PYHIN1: variants seen among roughly 807,000 people sequenced by gnomAD.
PYHIN1 encodes the protein pyrin and HIN domain-containing protein 1.
PYHIN1 carries 32 observed loss-of-function variants against 43.7 expected under a neutral mutation model. The ratio of observed to expected loss-of-function variants is 0.73; its 90% CI spans 0.55 to 0.98. The LOEUF (loss-of-function observed/expected upper bound fraction) is 0.98, where lower values mean the gene tolerates loss of function less well. Ranked by LOEUF, PYHIN1 falls within the 50% of genes least tolerant of loss-of-function variation. PYHIN1 has a pLI of 0.00. For missense variants in PYHIN1, 588 were observed against 589.5 expected (o/e 1.00, Z 0.03); for synonymous variants, 205 against 203.1 (o/e 1.01, Z -0.08).
chr1:158,984,487 T>G, the PYHIN1 span, among the ~76,000 whole-genome samples: 1 of 152,200 alleles, frequency 6.6e-6, no homozygotes, highest in African/African-American at 2.4e-5. Context: ...ATTTGTATTT[T>G]TGTTGCACTG....
the PYHIN1 span, among the ~76,000 whole-genome samples, chr1:158,986,897 T>C: frequency 3.3e-5 from 5 of 152,302 alleles, no homozygotes; most frequent in Admixed American, 2.6e-4. Context: ...ACAGCTAGGA[T>C]TCTGGAAGTC....
At chr1:158,944,721 G>A (rs530517733) in intron 6 of PYHIN1, among the ~76,000 whole-genome samples, 154 bp from the exon 7 acceptor site, 2 of 152,164 alleles carry the variant, frequency 1.3e-5, no homozygotes, top group South Asian at 4.1e-4. Flanking sequence ...AAAATATATT[G>A]GCAGTTGCCT....
At chr1:158,940,300 G>T (rs189872131) in intron 4 of PYHIN1, 1 of 149,088 alleles carries the variant, frequency 6.7e-6, no homozygotes, top group Non-Finnish European at 1.5e-5. Flanking sequence ...CTAAGCAAAT[G>T]ACAAATAAAG....
At chr1:158,936,369 C>T (rs1048160391) in intron 1 of PYHIN1, among the ~76,000 whole-genome samples, 21 of 151,498 alleles carry the variant, frequency 1.4e-4, no homozygotes, top group African/African-American at 2.2e-4. Context: ...CTTCATCATC[C>T]TGATACCAAA....
chr1:158,939,537 T>G, intron 4 of PYHIN1: 1 of 1,548,082 alleles, frequency 6.5e-7, no homozygotes, highest in Non-Finnish European at 8.7e-7. Context: ...CCATCTATTA[T>G]ACACCCATTC....
intron 7 of PYHIN1, among the ~76,000 whole-genome samples, chr1:158,964,240 G>C (rs1335535550): frequency 3.9e-5 from 6 of 152,202 alleles, no homozygotes; most frequent in Admixed American, 1.3e-4. Context: ...AAGAGACAAA[G>C]TCTAGAACTC....
chr1:158,969,037 C>G (rs1650795376), intron 7 of PYHIN1, among the ~76,000 whole-genome samples: 2 of 152,102 alleles, frequency 1.3e-5, no homozygotes, highest in African/African-American at 4.8e-5. Flanking sequence ...ACATGTACCT[C>G]TGAACCTAAA....
At chr1:158,951,019 CA>C (rs1649502945) in intron 7 of PYHIN1, among the ~76,000 whole-genome samples, 2 of 152,078 alleles carry the variant, frequency 1.3e-5, no homozygotes, top group African/African-American at 4.8e-5. Context: ...CTTAGTTTTC[CA>C]AATTCAGGGA....
Position 158,973,676 on chromosome 1 carries a change from A to G in PYHIN1, c.1389A>G (p.Ser463=), listed in dbSNP as rs746625691. ...KKDETHPGAQ[S]SPANFRITSP... is the part of the protein sequence containing the mutation. Reference sequence around the variant, plus strand: ...ATGAAACCCACCCAGGAGCACAGTCATCGCCTGCAAACTTTAGAATCACCT... The same window carrying G: ...ATGAAACCCACCCAGGAGCACAGTCGTCGCCTGCAAACTTTAGAATCACCT... The change falls in exon 8 of 9, where the codon TCA becomes TCG. Residue 463 remains serine, a synonymous_variant. Transcript: ENST00000368140. 1.9e-6 allele frequency: 3 copies of G among 1,613,236 alleles called. No individual in the cohort carries two copies. In the South Asian group the frequency reaches 3.3e-5, roughly 18 times the overall value.
chr1:158,943,812 C>A lies in PYHIN1; in HGVS notation c.1025C>A (p.Thr342Lys), dbSNP rs779042807. ...CAGAAAATTGTAAATAGGAAGACGA[C>A]AATCTATGAAATTCAGGATAAAACA... is the stretch of plus-strand genomic sequence containing the variant. Reference protein sequence around the residue: ...LHTKIVNRKTTIYEIQDKTGS... With the variant: ...LHTKIVNRKTKIYEIQDKTGS... The change falls in exon 6 of 9, where the codon ACA becomes AAA. Residue 342 changes from threonine (T) to lysine (K), a missense_variant. Thr to Lys is a moderately conservative substitution (Grantham distance 78, BLOSUM62 -1). Transcript: ENST00000368140. 6.2e-7 allele frequency: 1 copy of A among 1,600,196 alleles called. No individual in the cohort carries two copies. Among genetic ancestry groups the A allele is most frequent in the Non-Finnish European group, 8.5e-7 (1 of 1,172,236 alleles).
rs992883779 is a variant in PYHIN1, at chr1:158,933,022, T to C, written c.-21+1246T>C. Among the ~76,000 whole-genome samples, 10 of 151,996 alleles carry C rather than the reference T, an allele frequency of 6.6e-5. No homozygotes were observed. Among genetic ancestry groups the C allele is most frequent in the African/African-American group, 2.4e-4 (10 of 41,374 alleles). ...TAGATAAATATTGCTATCAATTATG[T>C]TGCTCAAATTTGTAAAAATGTTTTT... is the stretch of plus-strand genomic sequence containing the variant. On this transcript the variant is annotated intron_variant, in intron 1 of 8. Coordinates refer to ENST00000368140, the MANE Select transcript of PYHIN1 (RefSeq NM_152501.5). The surrounding 1 kb of genome is among the most constrained non-coding windows in gnomAD (Gnocchi z 6.3).
At chr1:158,945,415 T>C (rs528211968) in intron 7 of PYHIN1, 2 of 160,466 alleles carry the variant, frequency 1.2e-5, no homozygotes, top group African/African-American at 2.4e-5. Flanking sequence ...ATTTTCAGCA[T>C]TCCAAGTTGA....
At chr1:158,948,844 T>C (rs544601200) in intron 7 of PYHIN1, among the ~76,000 whole-genome samples, 8 of 152,266 alleles carry the variant, frequency 5.3e-5, no homozygotes, top group Admixed American at 1.3e-4. Context: ...CTCCTTAATA[T>C]CATAACACTA....
downstream of PYHIN1, among the ~76,000 whole-genome samples, chr1:158,978,753 A>G (rs535008001): frequency 6.6e-6 from 1 of 152,264 alleles, no homozygotes; most frequent in South Asian, 2.1e-4. Context: ...GAAAGAAATT[A>G]TCTTCCACCC....
chr1:158,933,577 A>G lies in PYHIN1; in HGVS notation c.-21+1801A>G, dbSNP rs528759929. ...ATATAGAAATTTTAAATCAAATTTG[A>G]TAAAAGTTGTCATTTAACTAGTTAA... On this transcript the variant is annotated intron_variant, in intron 1 of 8. Transcript: ENST00000368140. This position sits in a 1 kb window ranked among gnomAD's most constrained non-coding sequence, Gnocchi z 6.3. Among the ~76,000 whole-genome samples, 11 of 152,172 alleles carry G rather than the reference A, an allele frequency of 7.2e-5. No homozygotes were observed. The highest frequency in any genetic ancestry group is 2.6e-4 in the African/African-American group (11 of 41,560).
chr1:158,942,376 T>C lies in PYHIN1; in HGVS notation c.979T>C (p.Tyr327His). ...CAAACAAACTTCAGGATATATTGTA[T>C]ATGGATTATTTATGCTACATACGGT... ...LHKQTSGYIV[Y>H]GLFMLHTKIV... Residue 327 changes from tyrosine (Y) to histidine (H), a missense_variant, in exon 5 of 9, where the codon TAT (tyrosine) becomes CAT (histidine). Tyr to His is a moderately conservative substitution (Grantham distance 83). Transcript: ENST00000368140. 1 of 1,603,238 alleles carries C rather than the reference T, an allele frequency of 6.2e-7. No homozygotes were observed. The highest frequency in any genetic ancestry group is 8.5e-7 in the Non-Finnish European group (1 of 1,176,310).
chr1:158,984,028 G>GTTTTTTTTTT, the PYHIN1 span, among the ~76,000 whole-genome samples: 2 of 111,208 alleles, frequency 1.8e-5, no homozygotes, highest in African/African-American at 7.1e-5. Flanking sequence ...ATCTTCTCCT[G>GTTTTTTTTTT]TTTTTTTTTT....
At chr1:158,950,912 A>G (rs1419821882) in intron 7 of PYHIN1, among the ~76,000 whole-genome samples, 14 of 152,244 alleles carry the variant, frequency 9.2e-5, no homozygotes, top group Non-Finnish European at 2.1e-4. Flanking sequence ...GGGCTGTCCC[A>G]TAAGTGCAAA....
intron 1 of PYHIN1, among the ~76,000 whole-genome samples, chr1:158,932,857 C>T (rs941909310): frequency 6.6e-6 from 1 of 152,026 alleles, no homozygotes; most frequent in East Asian, 1.9e-4. Flanking sequence ...AGGGGAGAGG[C>T]ATGGAAGTCA....
Sources: allele counts gnomAD v4.1 joint callset (sites outside exome capture counted in the v4.1 genomes callset), GRCh38; gene constraint gnomAD v4.1.1; non-coding constraint Gnocchi (gnomAD v3.1); transcripts MANE v1.5; gene names NCBI Gene and HGNC (gene_info 2026-07-23, HGNC 2026-07-21).